OSBP: variants seen among roughly 807,000 people sequenced by gnomAD.
The protein encoded by OSBP is oxysterol-binding protein 1.
OSBP carries 32 observed loss-of-function variants against 96.6 expected under a neutral mutation model. The ratio of observed to expected loss-of-function variants is 0.33; its 90% confidence interval spans 0.25 to 0.45. OSBP has a LOEUF of 0.45. Among genes scored for constraint, OSBP ranks in the 20% least tolerant of loss-of-function variants. The probability of loss-of-function intolerance (pLI) is 1.00; values close to 1 mark genes in which losing one functional copy is unlikely to be tolerated. For synonymous variants in OSBP, 369 were observed against 389.6 expected (o/e 0.95, Z 0.62); for missense variants, 653 against 1,029.7 (o/e 0.63, Z 5.01).
rs1860342118 is a variant in OSBP at position 59,574,846 on chromosome 11, T to A, written c.*1731A>T. 6.6e-6 allele frequency: 1 copy of A among 152,568 alleles called. No homozygotes were observed. The highest frequency in any genetic ancestry group is 2.4e-5 in the African/African-American group (1 of 41,404). The allele number at this position is 152,568 out of a possible 1,614,324, so 9.5% of individuals were successfully genotyped here. A position where few individuals can be genotyped will look rare whatever the true frequency, so the allele number is the denominator to read the frequency against. On this transcript the variant is annotated 3_prime_UTR_variant, in exon 14 of 14. Coordinates refer to ENST00000263847, the MANE Select transcript of OSBP (RefSeq NM_002556.3). ...ATTAATTTACCCAGTAAAACCAATTTCCCCATAGGGATGGCTTCCTTTGGA... is the reference window on the plus strand; with the variant it reads ...ATTAATTTACCCAGTAAAACCAATTACCCCATAGGGATGGCTTCCTTTGGA...
At position 59,594,024 on chromosome 11, in the gene OSBP, A is replaced by C. The variant is rs1314163252; in HGVS notation, c.1543T>G (p.Ser515Ala). 1 of 1,614,114 alleles carries C rather than the reference A, an allele frequency of 6.2e-7. No homozygotes were observed. Reference sequence around the variant, plus strand: ...GGTTCCTTTACCTGTTCACAGAGGGATCGGTACCCATTCTCCTCTAATCGG... The same window carrying C: ...GGTTCCTTTACCTGTTCACAGAGGGCTCGGTACCCATTCTCCTCTAATCGG... ...LDRLEENGYR[S>A]LCEQVSHHPP... The change falls in exon 8 of 14, where the codon TCC becomes GCC. Residue 515 changes from serine (S) to alanine (A), a missense_variant. By Grantham distance (99) the Ser-to-Ala change is moderately conservative (BLOSUM62 1). This residue lies in a region of OSBP where 308 missense variants were observed against 573.1 expected (regional missense o/e 0.54). Coordinates refer to ENST00000263847, the MANE Select transcript of OSBP (RefSeq NM_002556.3).
At chr11:59,606,873 T>A (rs1182749542) in intron 3 of OSBP, among the ~76,000 whole-genome samples, 1 of 152,156 alleles carries the variant, frequency 6.6e-6, no homozygotes, top group Non-Finnish European at 1.5e-5. Context: ...AAGCAATAAC[T>A]GGCTAGGAAA....
At position 59,600,573 on chromosome 11, in the gene OSBP, T is replaced by C; in HGVS notation, c.1234A>G (p.Lys412Glu). 6.2e-7 allele frequency: 1 copy of C among 1,614,120 alleles called. No homozygotes were observed. Residue 412 changes from lysine (K) to glutamate (E), a missense_variant, in exon 7 of 14, where the codon AAG becomes GAG. By Grantham distance (56) the Lys-to-Glu change is moderately conservative (BLOSUM62 1). Transcript: ENST00000263847. ...KKEKRTRIPY[K>E]PNYSLNLWSI... ...CATAAATTGAGGCTATAGTTTGGCT[T>C]GTATGGTATTCTGGTTCTCTTTTCC...
rs1471693063 is a variant in OSBP, at chr11:59,576,595, T to G, written c.2406A>C (p.Ser802=). ...WECKEKQDWS[S]CPDIF ...TGCCGTTTCAGAAAATGTCCGGGCA[T>G]GAGCTCCAGTCCTGTTTTTCTTTAC... The change falls in exon 14 of 14, where the codon TCA becomes TCC. Residue 802 remains serine, a synonymous_variant. Transcript: ENST00000263847. 1 of 1,613,458 alleles carries G rather than the reference T, an allele frequency of 6.2e-7. No individual in the cohort carries two copies. The highest frequency in any genetic ancestry group is 8.5e-7 in the Non-Finnish European group (1 of 1,179,868).
intron 11 of OSBP, 52 bp downstream of exon 11, chr11:59,580,122 T>C: frequency 4.1e-6 from 5 of 1,221,404 alleles, no homozygotes; most frequent in Non-Finnish European, 6.1e-6. Context: ...AGGAGTATGC[T>C]TTCTAAGAGA....
intron 9 of OSBP, among the ~76,000 whole-genome samples, chr11:59,588,579 C>T (rs1860532393): frequency 6.6e-6 from 1 of 151,566 alleles, no homozygotes; most frequent in African/African-American, 2.4e-5. Flanking sequence ...TATAGAGTTC[C>T]CGTTTTACAA....
chr11:59,602,637 C>A (rs1293399123), intron 3 of OSBP, among the ~76,000 whole-genome samples: 1 of 152,194 alleles, frequency 6.6e-6, no homozygotes, highest in Non-Finnish European at 1.5e-5. Context: ...GAACTGCTCA[C>A]CATTTCTTGC....
chr11:59,600,792 C>T, intron 6 of OSBP, 27 bp downstream of exon 6: 1 of 1,606,830 alleles, frequency 6.2e-7, no homozygotes, highest in Non-Finnish European at 8.5e-7. Context: ...CGTCCCTCAC[C>T]TCTGAGATCT....
At chr11:59,615,257 G>A (rs765843308) in intron 1 of OSBP, 46 bp downstream of exon 1, 14 of 1,495,060 alleles carry the variant, frequency 9.4e-6, no homozygotes, top group Non-Finnish European at 1.2e-5. Flanking sequence ...ACTGTTGGCA[G>A]ATATGGGGGA....
chr11:59,608,760 A>G, intron 2 of OSBP, 26 bp from the exon 3 acceptor site: 1 of 1,612,408 alleles, frequency 6.2e-7, no homozygotes, highest in Non-Finnish European at 8.5e-7. Flanking sequence ...GAAAGGTTAT[A>G]TGATTCCAGA....
At chr11:59,587,019 A>G (rs1227581312) in intron 9 of OSBP, among the ~76,000 whole-genome samples, 10 of 152,240 alleles carry the variant, frequency 6.6e-5, no homozygotes, top group Admixed American at 6.5e-4. Context: ...AAAAATACAA[A>G]GCAAACCTCC....
chr11:59,606,910 T>C (rs1023848574), intron 3 of OSBP, among the ~76,000 whole-genome samples: 3 of 151,704 alleles, frequency 2.0e-5, no homozygotes, highest in Non-Finnish European at 4.4e-5. Flanking sequence ...AGCAAGAGAG[T>C]AAAGAATGAA....
At chr11:59,585,321 G>T (rs1220334409) in intron 9 of OSBP, among the ~76,000 whole-genome samples, 1 of 150,810 alleles carries the variant, frequency 6.6e-6, no homozygotes, top group Non-Finnish European at 1.5e-5. Flanking sequence ...GCCTCTGCCC[G>T]GCCGCGACCC....
At chr11:59,614,728 C>G (rs904830872) in intron 1 of OSBP, among the ~76,000 whole-genome samples, 2 of 152,194 alleles carry the variant, frequency 1.3e-5, no homozygotes, top group African/African-American at 2.4e-5. Flanking sequence ...AAAGCACATG[C>G]AAAGTCTTGG....
chr11:59,601,115 CA>C (rs11405726), intron 5 of OSBP, among the ~76,000 whole-genome samples, 167 bp downstream of exon 5: 3,999 of 113,810 alleles, frequency 0.035, 154 homozygotes, highest in African/African-American at 0.12. Context: ...GATCTTGAGA[CA>C]AAAAAAAAAA....
At chr11:59,612,537 T>A (rs886690983) in intron 1 of OSBP, among the ~76,000 whole-genome samples, 11 of 152,114 alleles carry the variant, frequency 7.2e-5, no homozygotes, top group Non-Finnish European at 1.3e-4. Flanking sequence ...ACTAAAGAAG[T>A]TTCTCAAATT....
intron 8 of OSBP, 26 bp downstream of exon 8, chr11:59,593,984 G>GGTTTAT: frequency 6.2e-7 from 1 of 1,609,964 alleles, no homozygotes; most frequent in South Asian, 1.1e-5. Context: ...GAAAGGAAAT[G>GGTTTAT]CGTTATGGTT....
At chr11:59,610,688 G>T in intron 1 of OSBP, 99 bp from the exon 2 acceptor site, 1 of 959,632 alleles carries the variant, frequency 1.0e-6, no homozygotes, top group Non-Finnish European at 1.6e-6. Flanking sequence ...CTGAAAATAT[G>T]ACAGTCTTAG....
intron 9 of OSBP, among the ~76,000 whole-genome samples, chr11:59,583,874 G>A (rs992778110): frequency 2.0e-5 from 3 of 148,716 alleles, no homozygotes; most frequent in Admixed American, 6.7e-5. Flanking sequence ...TACTGACCTC[G>A]TGATCTGCCC....
Sources: allele counts gnomAD v4.1 joint callset (sites outside exome capture counted in the v4.1 genomes callset), GRCh38; gene constraint gnomAD v4.1.1; regional missense constraint gnomAD v4.1.1; transcripts MANE v1.5; gene names NCBI Gene and HGNC (gene_info 2026-07-23, HGNC 2026-07-21).